Variants in ATRN observed in about 807,000 individuals in gnomAD.
The protein encoded by ATRN is attractin.
In ATRN, 54 loss-of-function variants were observed where a neutral mutation model predicts 178.7. The observed-to-expected ratio is 0.30, with a 90% CI of 0.24 to 0.38. ATRN has a LOEUF of 0.38. ATRN is among the 10% of genes least tolerant of loss of function. ATRN has a pLI of 1.00. For synonymous variants in ATRN, 636 were observed against 663.0 expected (o/e 0.96, Z 0.63); for missense variants, 1,443 against 1,815.1 (o/e 0.79, Z 3.73).
At chr20:3,532,507 T>C (rs1023625818) in intron 1 of ATRN, among the ~76,000 whole-genome samples, 1 of 152,220 alleles carries the variant, frequency 6.6e-6, no homozygotes, top group Non-Finnish European at 1.5e-5. Flanking sequence ...AAAATCCAGC[T>C]ATAGCAAAGT....
chr20:3,511,677 A>C (rs1433214558), intron 1 of ATRN, among the ~76,000 whole-genome samples: 1 of 152,188 alleles, frequency 6.6e-6, no homozygotes, highest in Non-Finnish European at 1.5e-5. Context: ...AAATACTAAT[A>C]TGTTCTGTTC....
At chr20:3,481,166 A>G (rs1024270455) in intron 1 of ATRN, among the ~76,000 whole-genome samples, 3 of 151,870 alleles carry the variant, frequency 2.0e-5, no homozygotes, top group Admixed American at 6.6e-5. Flanking sequence ...CTCTGTTATT[A>G]TTAACGTGAC....
At chr20:3,592,797 G>A (rs1425387171) in intron 19 of ATRN, among the ~76,000 whole-genome samples, 1 of 152,182 alleles carries the variant, frequency 6.6e-6, no homozygotes, top group African/African-American at 2.4e-5. Context: ...AAGCAGAGCA[G>A]CACATGACAC....
intron 23 of ATRN, among the ~76,000 whole-genome samples, chr20:3,603,386 T>C (rs1245993655): frequency 6.6e-6 from 1 of 152,146 alleles, no homozygotes; most frequent in African/African-American, 2.4e-5. Flanking sequence ...TTAATAGGAT[T>C]CTAGTGGTAT....
At chr20:3,642,231 T>C (rs2853201) in intron 27 of ATRN, among the ~76,000 whole-genome samples, 69,609 of 152,104 alleles carry the variant, frequency 0.46, 17,285 homozygotes, top group African/African-American at 0.66. Context: ...CAGGTTTAAG[T>C]ACCATGATCC....
At chr20:3,630,915 G>GTTTTTTTTTTTTTT (rs1568774646) in intron 25 of ATRN, among the ~76,000 whole-genome samples, 1 of 62,456 alleles carries the variant, frequency 1.6e-5, no homozygotes, top group Non-Finnish European at 3.9e-5. Flanking sequence ...AATTTATTTA[G>GTTTTTTTTTTTTTT]CTTTTTTTTT....
chr20:3,511,566 G>A (rs2085128438), intron 1 of ATRN, among the ~76,000 whole-genome samples: 2 of 152,062 alleles, frequency 1.3e-5, no homozygotes, highest in African/African-American at 4.8e-5. Context: ...AATAAATCTG[G>A]TAGATTGTTT....
intron 5 of ATRN, among the ~76,000 whole-genome samples, chr20:3,548,332 G>T (rs2085738036): frequency 6.6e-6 from 1 of 152,156 alleles, no homozygotes; most frequent in African/African-American, 2.4e-5. Flanking sequence ...TGGGTGTGGT[G>T]GCTCATGCCT....
chr20:3,619,544 G>A (rs1018224865), intron 24 of ATRN, among the ~76,000 whole-genome samples: 2 of 152,146 alleles, frequency 1.3e-5, no homozygotes, highest in Non-Finnish European at 2.9e-5. Flanking sequence ...TCAAGTTTTT[G>A]AGTACCTTCT....
chr20:3,542,074 A>AGAG (rs2085630032), intron 3 of ATRN, among the ~76,000 whole-genome samples: 1 of 152,244 alleles, frequency 6.6e-6, no homozygotes, highest in African/African-American at 2.4e-5. Context: ...AGGTTCACTT[A>AGAG]CAAGGCCAAA....
chr20:3,644,091 T>TA, intron 27 of ATRN, 63 bp from the exon 28 acceptor site: 1 of 1,243,610 alleles, frequency 8.0e-7, no homozygotes, highest in East Asian at 2.3e-5. Context: ...AAATGACCGT[T>TA]AAGTTGTCCG....
chr20:3,596,369 C>T lies in ATRN; in HGVS notation c.3417-8C>T, dbSNP rs1385328683. 6.2e-7 allele frequency: 1 copy of T among 1,609,688 alleles called. No individual in the cohort carries two copies. Among genetic ancestry groups the T allele is most frequent in the East Asian group, 2.2e-5 (1 of 44,800 alleles). On this transcript the variant is annotated splice_polypyrimidine_tract_variant and splice_region_variant and intron_variant, in intron 20 of 28. Coordinates refer to ENST00000262919, the MANE Select transcript of ATRN (RefSeq NM_139321.3). ...TAGCAGTATAAAATAGTCTTTTTTC[C>T]CCCCCAGATGTGAGGTAGAAAATCG... is the stretch of plus-strand genomic sequence containing the variant.
intron 25 of ATRN, chr20:3,628,797 A>T: frequency 1.3e-6 from 1 of 741,294 alleles, no homozygotes; most frequent in Non-Finnish European, 1.6e-6. Flanking sequence ...CATGAGCGAG[A>T]CTCTTCCAGC....
chr20:3,568,962 G>A (rs1439067863), intron 11 of ATRN, among the ~76,000 whole-genome samples: 4 of 152,142 alleles, frequency 2.6e-5, no homozygotes. Flanking sequence ...AGGGACACTT[G>A]TTTGTAGTAT....
intron 24 of ATRN, among the ~76,000 whole-genome samples, chr20:3,623,788 G>A (rs931855220): frequency 2.4e-4 from 36 of 152,058 alleles, no homozygotes; most frequent in African/African-American, 7.5e-4. Context: ...GCATTTTTTC[G>A]TGGGCTAATA....
chr20:3,545,932 ACTAT>A (rs1224924082), intron 4 of ATRN, 42 bp downstream of exon 4: 2 of 1,593,330 alleles, frequency 1.3e-6, no homozygotes, highest in Non-Finnish European at 1.7e-6. Context: ...CATTCAGGAG[ACTAT>A]CTACTATGTT....
chr20:3,546,633 C>T (rs569908933), intron 4 of ATRN, among the ~76,000 whole-genome samples: 23 of 152,146 alleles, frequency 1.5e-4, no homozygotes, highest in Admixed American at 8.5e-4. Flanking sequence ...CCTCGTGATT[C>T]GCCAACCTCG....
chr20:3,552,752 C>A (rs2085807793), intron 6 of ATRN, among the ~76,000 whole-genome samples: 1 of 152,126 alleles, frequency 6.6e-6, no homozygotes, highest in South Asian at 2.1e-4. Flanking sequence ...AACCGAGGGT[C>A]CCAGCTTTCT....
intron 6 of ATRN, among the ~76,000 whole-genome samples, chr20:3,554,391 A>G (rs2085835383): frequency 6.6e-6 from 1 of 151,422 alleles, no homozygotes; most frequent in Non-Finnish European, 1.5e-5. Flanking sequence ...GCTGGAGTGC[A>G]GTGGCACAGT....
Sources: gnomAD v4.1 joint callset for allele counts (sites outside exome capture counted in the v4.1 genomes callset) on GRCh38, gnomAD v4.1.1 for gene constraint, MANE v1.5 for transcripts, NCBI Gene and HGNC (gene_info 2026-07-23, HGNC 2026-07-21) for gene names.